The following UBE2D3 variants were observed in gnomAD, a reference collection of about 807,000 sequenced individuals.
UBE2D3 encodes ubiquitin conjugating enzyme E2 D3, also known as ubiquitin-conjugating enzyme E2 D3.
A neutral mutation model predicts 22.8 loss-of-function variants in UBE2D3; 2 were observed. The ratio of observed to expected loss-of-function variants is 0.09; its 90% CI spans 0.04 to 0.28. The LOEUF (loss-of-function observed/expected upper bound fraction) is 0.28, where lower values mean the gene tolerates loss of function less well. Among genes scored for constraint, UBE2D3 ranks in the 10% least tolerant of loss-of-function variants. The pLI, the probability that UBE2D3 is intolerant of heterozygous loss-of-function variation, is 1.00. For synonymous variants in UBE2D3, 56 were observed against 60.4 expected, an observed-to-expected ratio of 0.93 and a Z score of 0.34; for missense variants, 27 against 182.5, an observed-to-expected ratio of 0.15 and a Z score of 4.91.
intron 4 of UBE2D3, among the ~76,000 whole-genome samples, chr4:102,804,511 G>T (rs775007058): frequency 1.3e-5 from 2 of 152,040 alleles, no homozygotes; most frequent in Non-Finnish European, 2.9e-5. Context: ...AGGTCACTTA[G>T]AATGTGACCT....
intron 7 of UBE2D3, among the ~76,000 whole-genome samples, chr4:102,799,194 A>C (rs1048712145): frequency 3.9e-5 from 6 of 151,962 alleles, no homozygotes; most frequent in East Asian, 1.9e-4. Flanking sequence ...AGGAAAAAAA[A>C]AACAACAATA....
intron 1 of UBE2D3, among the ~76,000 whole-genome samples, chr4:102,837,603 G>A (rs1476072770): frequency 3.9e-5 from 6 of 152,220 alleles, no homozygotes; most frequent in African/African-American, 9.6e-5. Flanking sequence ...TGGGAGGATC[G>A]CTTGGGCCCA....
chr4:102,809,629 G>A (rs369686937), intron 4 of UBE2D3, 43 bp downstream of exon 4: 256 of 1,546,320 alleles, frequency 1.7e-4, no homozygotes, highest in Non-Finnish European at 2.0e-4. Flanking sequence ...AATCAATGCT[G>A]GATTTTCACT....
At chr4:102,815,871 A>C (rs223406) in intron 2 of UBE2D3, among the ~76,000 whole-genome samples, 82,746 of 152,016 alleles carry the variant, frequency 0.54, 23,103 homozygotes, top group African/African-American at 0.68. Context: ...TTTAAAGATA[A>C]AAATGCTGTT....
intron 6 of UBE2D3, 96 bp downstream of exon 6, chr4:102,801,358 C>A (rs1578221437): frequency 2.8e-6 from 3 of 1,076,594 alleles, no homozygotes; most frequent in South Asian, 1.6e-5. Flanking sequence ...CATCTCTTAC[C>A]AAAAAGCTGC....
chr4:102,826,700 G>C (rs1730560038), intron 1 of UBE2D3, 64 bp from the exon 2 acceptor site: 5 of 1,464,692 alleles, frequency 3.4e-6, no homozygotes, highest in Non-Finnish European at 4.5e-6. Context: ...ATGAATCCAG[G>C]TCCCTTAAGA....
intron 2 of UBE2D3, among the ~76,000 whole-genome samples, chr4:102,813,259 G>A (rs905557413): frequency 1.3e-5 from 2 of 152,120 alleles, no homozygotes; most frequent in African/African-American, 4.8e-5. Flanking sequence ...CAATCATAAG[G>A]CACTATAGCC....
chr4:102,821,431 C>T (rs933472943), intron 2 of UBE2D3, among the ~76,000 whole-genome samples: 3 of 152,106 alleles, frequency 2.0e-5, no homozygotes, highest in African/African-American at 7.2e-5. Flanking sequence ...TAAGGACCAT[C>T]TTCCTCATTT....
chr4:102,862,531 T>C (rs1732948463), intron 1 of UBE2D3, among the ~76,000 whole-genome samples: 1 of 148,276 alleles, frequency 6.7e-6, no homozygotes, highest in Non-Finnish European at 1.5e-5. Context: ...CTTGATCAAA[T>C]GTCCTACTTT....
chr4:102,795,780 C>T lies in UBE2D3; in HGVS notation c.*1635G>A, dbSNP rs1725212360. ...GAATAAGATTGCACGTAAGTGTAAGCAGTGCAAAAATGTGGAAGTGGAGGA... is the reference window on the plus strand; with the variant it reads ...GAATAAGATTGCACGTAAGTGTAAGTAGTGCAAAAATGTGGAAGTGGAGGA... On this transcript the variant is annotated 3_prime_UTR_variant, in exon 8 of 8. Transcript: ENST00000453744. 6.6e-6 allele frequency: 1 copy of T among 152,080 alleles called. No individual in the cohort carries two copies. The highest frequency in any genetic ancestry group is 6.6e-5 in the Admixed American group (1 of 15,258). The allele number at this position is 152,080 out of a possible 1,614,324, so 9.4% of individuals were successfully genotyped here.
At chr4:102,862,589 T>C (rs1260251891) in intron 1 of UBE2D3, among the ~76,000 whole-genome samples, 1 of 152,238 alleles carries the variant, frequency 6.6e-6, no homozygotes, top group Non-Finnish European at 1.5e-5. Context: ...CTATTAGCTT[T>C]CTGAGAAGAG....
intron 1 of UBE2D3, among the ~76,000 whole-genome samples, chr4:102,842,663 C>G (rs903392079): frequency 2.0e-5 from 3 of 152,146 alleles, no homozygotes; most frequent in Admixed American, 2.0e-4. Context: ...ACAAACACCC[C>G]TGTTTAAAGG....
chr4:102,806,034 T>C (rs1164286144), intron 4 of UBE2D3, among the ~76,000 whole-genome samples: 1 of 152,240 alleles, frequency 6.6e-6, no homozygotes, highest in East Asian at 1.9e-4. Context: ...ATCTTCAGCC[T>C]AGATTATGGC....
Position 102,827,417 on chromosome 4 carries a change from C to T in UBE2D3, c.-129+10G>A. 1 of 986,128 alleles carries T rather than the reference C, an allele frequency of 1.0e-6. No homozygotes were observed. The highest frequency in any genetic ancestry group is 1.2e-6 in the Non-Finnish European group (1 of 830,094). The allele number at this position is 986,128 out of a possible 1,614,324, so 61.1% of individuals were successfully genotyped here. A position where few individuals can be genotyped will look rare whatever the true frequency, so the allele number is the denominator to read the frequency against. The stretch of plus-strand genomic sequence containing the variant: ...CCTTCCCTGCCCTAGCCGTCCACAC[C>T]CACGCGTACAGAGGGGCCGGGGCCT... On this transcript the variant is annotated intron_variant, in intron 1 of 7. Transcript: ENST00000453744.
intron 1 of UBE2D3, among the ~76,000 whole-genome samples, chr4:102,846,056 G>A (rs1363214822): frequency 6.6e-6 from 1 of 152,178 alleles, no homozygotes; most frequent in Non-Finnish European, 1.5e-5. Flanking sequence ...CTCCCAAAGT[G>A]CTGTGATTAC....
chr4:102,809,538 G>A lies in UBE2D3; in HGVS notation c.120+134C>T. 3.3e-6 allele frequency: 3 copies of A among 917,198 alleles called. No homozygotes were observed. The South Asian group carries it at 5.2e-5, about 16-fold the overall frequency. The allele number at this position is 917,198 out of a possible 1,614,324, so 56.8% of individuals were successfully genotyped here. ...ACTCATTATGTTTTTTCTTTCAAAT[G>A]CAGTACAACTATGGAATATCCAAAA... is the stretch of plus-strand genomic sequence containing the variant. On this transcript the variant is annotated intron_variant, in intron 4 of 7. Coordinates refer to ENST00000453744, the MANE Select transcript of UBE2D3 (RefSeq NM_181891.3).
At chr4:102,823,960 C>T (rs1181485341) in intron 2 of UBE2D3, among the ~76,000 whole-genome samples, 1 of 152,196 alleles carries the variant, frequency 6.6e-6, no homozygotes, top group Non-Finnish European at 1.5e-5. Flanking sequence ...GCATACCATA[C>T]TGACATCAAT....
chr4:102,866,514 C>T (rs1733151688), intron 1 of UBE2D3, among the ~76,000 whole-genome samples: 2 of 152,116 alleles, frequency 1.3e-5, no homozygotes, highest in South Asian at 2.1e-4. Context: ...TGGTGGTTAC[C>T]TGGAACTGTA....
intron 1 of UBE2D3, among the ~76,000 whole-genome samples, chr4:102,836,399 A>T (rs957894169): frequency 6.6e-6 from 1 of 152,080 alleles, no homozygotes; most frequent in Non-Finnish European, 1.5e-5. Context: ...CACTCAGCTC[A>T]GCCTCCCAAA....
Sources: gnomAD v4.1 joint callset for allele counts (sites outside exome capture counted in the v4.1 genomes callset) on GRCh38, gnomAD v4.1.1 for gene constraint, MANE v1.5 for transcripts, NCBI Gene and HGNC (gene_info 2026-07-23, HGNC 2026-07-21) for gene names.